Variants in VPS13B observed in about 807,000 individuals in gnomAD.
The protein encoded by VPS13B is intermembrane lipid transfer protein VPS13B.
VPS13B carries 285 observed loss-of-function variants against 426.4 expected under a neutral mutation model. The ratio of observed to expected loss-of-function variants is 0.67; its 90% CI spans 0.61 to 0.74. The LOEUF is 0.74. Among genes scored for constraint, VPS13B ranks in the 30% least tolerant of loss-of-function variants. The pLI, the probability that VPS13B is intolerant of heterozygous loss-of-function variation, is 0.00. For missense variants in VPS13B, 4,537 were observed against 4,782.6 expected (o/e 0.95, Z 1.51); for synonymous variants, 1,676 against 1,676.4 (o/e 1.00, Z 0.01).
intron 56 of VPS13B, among the ~76,000 whole-genome samples, chr8:99,857,310 G>A (rs1816599045): frequency 6.6e-6 from 1 of 152,174 alleles, no homozygotes; most frequent in African/African-American, 2.4e-5. Flanking sequence ...GGCCTGTCGT[G>A]GGGGACACTG....
At chr8:99,605,131 G>A (rs1228673446) in intron 33 of VPS13B, among the ~76,000 whole-genome samples, 2 of 152,106 alleles carry the variant, frequency 1.3e-5, no homozygotes, top group South Asian at 2.1e-4. Context: ...TCCCTTACTA[G>A]TCTTTCATTA....
At chr8:99,579,021 C>A (rs1415216309) in intron 33 of VPS13B, among the ~76,000 whole-genome samples, 3 of 152,040 alleles carry the variant, frequency 2.0e-5, no homozygotes, top group Non-Finnish European at 4.4e-5. Context: ...GTATCTGTGG[C>A]TATGTGTTTC....
intron 34 of VPS13B, among the ~76,000 whole-genome samples, chr8:99,651,860 G>GA (rs779388489): frequency 2.4e-4 from 36 of 152,190 alleles, no homozygotes; most frequent in Non-Finnish European, 2.9e-4. Context: ...AGTTCTGAGG[G>GA]AATTTAACTA....
At chr8:99,817,915 G>A (rs1814140119) in intron 45 of VPS13B, 112 bp downstream of exon 45, 1 of 1,511,900 alleles carries the variant, frequency 6.6e-7, no homozygotes, top group Admixed American at 1.8e-5. Context: ...ATAAAAAAGG[G>A]GAGTGAAAGG....
chr8:99,598,039 C>G (rs535482702), intron 33 of VPS13B, among the ~76,000 whole-genome samples: 1 of 152,114 alleles, frequency 6.6e-6, no homozygotes, highest in South Asian at 2.1e-4. Context: ...AAATTGTTGG[C>G]TAACTCCATG....
intron 35 of VPS13B, among the ~76,000 whole-genome samples, chr8:99,671,569 C>T (rs1258739025): frequency 1.3e-5 from 2 of 152,040 alleles, no homozygotes; most frequent in African/African-American, 2.4e-5. Flanking sequence ...GAGCTTTTCC[C>T]CTGTGTTTTC....
intron 3 of VPS13B, among the ~76,000 whole-genome samples, chr8:99,065,381 C>G (rs1169444422): frequency 1.3e-5 from 2 of 152,182 alleles, no homozygotes; most frequent in Non-Finnish European, 2.9e-5. Context: ...TAAACATAAT[C>G]CATCACATAA....
chr8:99,331,045 A>T (rs1810515388), intron 19 of VPS13B, among the ~76,000 whole-genome samples: 1 of 151,858 alleles, frequency 6.6e-6, no homozygotes, highest in Non-Finnish European at 1.5e-5. Context: ...TTAATCATAG[A>T]TAATTTTATG....
At chr8:99,532,944 T>TG (rs34966198) in intron 30 of VPS13B, among the ~76,000 whole-genome samples, 2,597 of 147,388 alleles carry the variant, frequency 0.018, 38 homozygotes, top group Middle Eastern at 0.024. Flanking sequence ...AGGGGTGTTT[T>TG]TTTTTTTTTT....
At chr8:99,484,228 C>G (rs1157396553) in intron 25 of VPS13B, among the ~76,000 whole-genome samples, 1 of 151,744 alleles carries the variant, frequency 6.6e-6, no homozygotes, top group Non-Finnish European at 1.5e-5. Flanking sequence ...TTAATAATAC[C>G]CTTATATGAC....
intron 3 of VPS13B, among the ~76,000 whole-genome samples, chr8:99,086,586 G>C (rs911793776): frequency 7.9e-5 from 12 of 152,060 alleles, no homozygotes; most frequent in African/African-American, 2.9e-4. Context: ...CCATCTTTGT[G>C]GTTTTATCTA....
chr8:99,216,387 T>C (rs1271639955), intron 17 of VPS13B, among the ~76,000 whole-genome samples: 5 of 152,164 alleles, frequency 3.3e-5, no homozygotes, highest in Non-Finnish European at 5.9e-5. Flanking sequence ...TCTCCTCCCA[T>C]GTCTCTTAGG....
intron 43 of VPS13B, among the ~76,000 whole-genome samples, chr8:99,788,879 G>A (rs969730092): frequency 3.9e-5 from 6 of 152,134 alleles, no homozygotes; most frequent in Non-Finnish European, 7.4e-5. Context: ...TAGACTAAAG[G>A]TTTGATTTAA....
Position 99,739,023 on chromosome 8 carries a change from G to C in VPS13B, c.7050+17976G>C, listed in dbSNP as rs1833952819. Reference sequence around the variant, plus strand: ...TTGAGCCTGAGCCAAAGCAGGGCGAGGCATCGCCTCACCCAGGAAGCGCAA... The same window carrying C: ...TTGAGCCTGAGCCAAAGCAGGGCGACGCATCGCCTCACCCAGGAAGCGCAA... On this transcript the variant is annotated intron_variant, in intron 39 of 61. Transcript: ENST00000357162. 2.0e-5 allele frequency among the ~76,000 whole-genome samples: 3 copies of C among 152,216 alleles called. No homozygotes were observed. In the South Asian group the frequency reaches 6.2e-4, roughly 31 times the overall value.
intron 16 of VPS13B, among the ~76,000 whole-genome samples, chr8:99,190,922 A>T (rs1813534731): frequency 6.6e-6 from 1 of 152,084 alleles, no homozygotes; most frequent in Non-Finnish European, 1.5e-5. Flanking sequence ...TCCATCTGGT[A>T]TCACATTCAT....
chr8:99,541,680 T>C (rs1823630307), intron 30 of VPS13B, among the ~76,000 whole-genome samples: 1 of 152,176 alleles, frequency 6.6e-6, no homozygotes, highest in East Asian at 1.9e-4. Flanking sequence ...CTCCATACTT[T>C]GGTGGATAAG....
At chr8:99,856,537 A>C (rs1330267575) in intron 56 of VPS13B, among the ~76,000 whole-genome samples, 1 of 152,200 alleles carries the variant, frequency 6.6e-6, no homozygotes, top group Admixed American at 6.5e-5. Flanking sequence ...CAACTTGAAG[A>C]GGTTTTAAAA....
intron 39 of VPS13B, among the ~76,000 whole-genome samples, chr8:99,725,995 G>T (rs756307490): frequency 6.6e-6 from 1 of 152,122 alleles, no homozygotes; most frequent in Non-Finnish European, 1.5e-5. Context: ...TTAAAAATTG[G>T]CCTTATAGAG....
In VPS13B at chr8:99,823,836, G is replaced by A. The variant is rs748161766; in HGVS notation, c.9188G>A (p.Cys3063Tyr). Residue 3063 changes from cysteine (C) to tyrosine (Y), a missense_variant, in exon 51 of 62, where the codon TGT (cysteine) becomes TAT (tyrosine). By Grantham distance (194) the Cys-to-Tyr change is radical (BLOSUM62 -2). Coordinates refer to ENST00000357162, the MANE Select transcript of VPS13B (RefSeq NM_152564.5). ...TTTTTCTCAATTATCTTGTAGTTAT[G>A]TCAGTTCTGCATTTCCTCCATGGTA... ...LGAFPGHQKL[C>Y]QFCISSMVQQ... 5 of 1,613,346 alleles carry A rather than the reference G, an allele frequency of 3.1e-6. No individual in the cohort carries two copies. The South Asian group carries it at 4.4e-5, about 14-fold the overall frequency.
Sources: allele counts gnomAD v4.1 joint callset (sites outside exome capture counted in the v4.1 genomes callset), GRCh38; gene constraint gnomAD v4.1.1; transcripts MANE v1.5; gene names NCBI Gene and HGNC (gene_info 2026-07-23, HGNC 2026-07-21).